Variants in SLC9A7 observed in about 807,000 individuals in gnomAD.
The protein encoded by SLC9A7 is sodium/hydrogen exchanger 7.
SLC9A7 carries 19 observed loss-of-function variants against 52.6 expected under a neutral mutation model. That is an observed-to-expected ratio of 0.36 (90% CI 0.25 to 0.53). SLC9A7 has a LOEUF of 0.53. Ranked by LOEUF, SLC9A7 falls within the 20% of genes least tolerant of loss-of-function variation. SLC9A7 has a pLI of 0.91. For missense variants in SLC9A7, 455 were observed against 597.9 expected (o/e 0.76, Z 2.49); for synonymous variants, 226 against 252.1 (o/e 0.90, Z 0.98).
At chrX:46,676,218 G>A (rs904589748) in intron 3 of SLC9A7, among the ~76,000 whole-genome samples, 4 of 111,126 alleles carry the variant, frequency 3.6e-5, no homozygotes, top group African/African-American at 1.3e-4. Context: ...GGGGCGGGGG[G>A]GCAGTATTGC....
chrX:46,606,524 G>C lies in SLC9A7; in HGVS notation c.*428C>G. ...AATCCTTGGAGTTCCGATCTCAATT[G>C]CCTTCCTTCTCTTTAACTTGATAAT... is the stretch of plus-strand genomic sequence containing the variant. On this transcript the variant is annotated 3_prime_UTR_variant, in exon 17 of 17. Coordinates refer to ENST00000616978, the MANE Select transcript of SLC9A7 (RefSeq NM_001257291.2). 1 of 767,477 alleles carries C rather than the reference G, an allele frequency of 1.3e-6. No homozygotes were observed. Among genetic ancestry groups the C allele is most frequent in the East Asian group, 1.3e-4 (1 of 7,518 alleles). The allele number at this position is 767,477 out of a possible 1,213,427, so 63.2% of individuals were successfully genotyped here. A position where few individuals can be genotyped will look rare whatever the true frequency, so the allele number is the denominator to read the frequency against.
chrX:46,716,157 C>G (rs913121217), intron 1 of SLC9A7, among the ~76,000 whole-genome samples: 1 of 111,106 alleles, frequency 9.0e-6, no homozygotes, highest in Non-Finnish European at 1.9e-5. Context: ...GAAGGAGTGA[C>G]TCAGACCTGA....
At chrX:46,620,865 C>A in intron 15 of SLC9A7, 112 bp downstream of exon 15, 1 of 541,227 alleles carries the variant, frequency 1.8e-6, no homozygotes, top group Non-Finnish European at 3.1e-6. Flanking sequence ...ATGGGCTATC[C>A]CTGTCCCAAG....
chrX:46,744,422 C>T (rs1921585911), intron 1 of SLC9A7, among the ~76,000 whole-genome samples: 1 of 112,663 alleles, frequency 8.9e-6, no homozygotes, highest in African/African-American at 3.2e-5. Context: ...GTTCATTCTA[C>T]ACTCAACAAA....
chrX:46,747,278 A>G (rs750177239), intron 1 of SLC9A7, among the ~76,000 whole-genome samples: 5 of 112,011 alleles, frequency 4.5e-5, no homozygotes, highest in Non-Finnish European at 9.4e-5. Flanking sequence ...TGAAATAGCT[A>G]GAAGGGAATA....
intron 11 of SLC9A7, among the ~76,000 whole-genome samples, chrX:46,643,998 C>G (rs1943447998): frequency 8.9e-6 from 1 of 111,992 alleles, no homozygotes; most frequent in Admixed American, 9.4e-5. Flanking sequence ...TGTTTACTAT[C>G]AAAAATCAAT....
chrX:46,711,911 C>T (rs1206541167), intron 1 of SLC9A7, among the ~76,000 whole-genome samples: 1 of 100,335 alleles, frequency 1.0e-5, no homozygotes, highest in Non-Finnish European at 1.9e-5. Context: ...CACACACACA[C>T]ACACACACAC....
intron 1 of SLC9A7, among the ~76,000 whole-genome samples, chrX:46,702,828 G>C (rs2225359): frequency 0.24 from 26,947 of 111,439 alleles, 2,657 homozygotes; most frequent in East Asian, 0.55. Flanking sequence ...TCAAATGGTA[G>C]TTCTAAGTTC....
rs750340871 is a variant in SLC9A7, at chrX:46,662,235, A to AT, written c.900-79dup. 522 of 950,876 alleles carry AT rather than the reference A, an allele frequency of 5.5e-4. 1 individual carries two copies. In the African/African-American group the frequency reaches 9.3e-3, roughly 17 times the overall value. 78.4% of individuals were successfully genotyped at this position (950,876 alleles called of 1,213,427 possible). On this transcript the variant is annotated intron_variant, in intron 6 of 16. Coordinates refer to ENST00000616978, the MANE Select transcript of SLC9A7 (RefSeq NM_001257291.2). ...ATGGTACTTGAAAATATCGACAAACATAGGTCTATCTACATTTTGTCAAGC... is the reference window on the plus strand; with the variant it reads ...ATGGTACTTGAAAATATCGACAAACATTAGGTCTATCTACATTTTGTCAAGC...
rs145635441 is a variant in SLC9A7 at position 46,668,744 on chromosome X, C to T, written c.793+863G>A. ...AGTCAAAGGTAGCTGCCAGGGGCTG[C>T]AGGGAAGGGGGACTGGGAAGTTGTT... On this transcript the variant is annotated intron_variant, in intron 5 of 16. Coordinates refer to ENST00000616978, the MANE Select transcript of SLC9A7 (RefSeq NM_001257291.2). 3.3e-3 allele frequency among the ~76,000 whole-genome samples: 368 copies of T among 111,406 alleles called. 3 individuals carry two copies. Among genetic ancestry groups the T allele is most frequent in the East Asian group, 0.013 (47 of 3,556 alleles).
intron 1 of SLC9A7, among the ~76,000 whole-genome samples, chrX:46,751,518 A>T (rs1922234014): frequency 8.9e-6 from 1 of 111,881 alleles, no homozygotes; most frequent in African/African-American, 3.2e-5. Flanking sequence ...AATGAAAAAG[A>T]AGTTACTGGC....
At chrX:46,706,311 A>C (rs756826850) in intron 1 of SLC9A7, among the ~76,000 whole-genome samples, 1 of 105,139 alleles carries the variant, frequency 9.5e-6, no homozygotes, top group Non-Finnish European at 2.0e-5. Flanking sequence ...AATTTGTGTC[A>C]AAATCACCTT....
At chrX:46,678,347 A>C (rs1944152327) in intron 3 of SLC9A7, among the ~76,000 whole-genome samples, 1 of 111,531 alleles carries the variant, frequency 9.0e-6, no homozygotes, top group African/African-American at 3.3e-5. Flanking sequence ...TTTTCAGACA[A>C]TATTACCACA....
At chrX:46,652,143 T>G (rs1943592950) in intron 8 of SLC9A7, among the ~76,000 whole-genome samples, 1 of 111,848 alleles carries the variant, frequency 8.9e-6, no homozygotes, top group African/African-American at 3.2e-5. Flanking sequence ...ACTAATGCTT[T>G]ATATACATAT....
chrX:46,747,596 G>A (rs1921876864), intron 1 of SLC9A7, among the ~76,000 whole-genome samples: 1 of 111,340 alleles, frequency 9.0e-6, no homozygotes, highest in African/African-American at 3.3e-5. Context: ...CTATGTTAAT[G>A]AGCACACAAT....
chrX:46,735,887 C>T (rs1164207995), intron 1 of SLC9A7, among the ~76,000 whole-genome samples: 2 of 111,100 alleles, frequency 1.8e-5, no homozygotes, highest in Non-Finnish European at 3.8e-5. Flanking sequence ...TCCTCCTCTA[C>T]TCCTCCCCCT....
At chrX:46,673,762 C>G (rs1010667342) in intron 3 of SLC9A7, among the ~76,000 whole-genome samples, 2 of 111,454 alleles carry the variant, frequency 1.8e-5, no homozygotes, top group Non-Finnish European at 3.8e-5. Context: ...TGGTCTGCAT[C>G]CCAGACACAG....
At chrX:46,748,344 C>CA (rs1178403270) in intron 1 of SLC9A7, among the ~76,000 whole-genome samples, 385 of 35,990 alleles carry the variant, frequency 0.011, 2 homozygotes, top group African/African-American at 0.042. Flanking sequence ...GAAACTCTGT[C>CA]AAAAAAAAAA....
intron 3 of SLC9A7, 35 bp downstream of exon 3, chrX:46,679,643 A>G (rs766969721): frequency 8.6e-5 from 89 of 1,031,121 alleles, no homozygotes; most frequent in Non-Finnish European, 1.2e-4. Flanking sequence ...ACAGAGATTC[A>G]CATGATTTCA....
Sources: gnomAD v4.1 joint callset for allele counts (sites outside exome capture counted in the v4.1 genomes callset) on GRCh38, gnomAD v4.1.1 for gene constraint, MANE v1.5 for transcripts, NCBI Gene and HGNC (gene_info 2026-07-23, HGNC 2026-07-21) for gene names.